BORCS5: variants seen among roughly 807,000 people sequenced by gnomAD.
BORCS5 encodes the protein BLOC-1 related complex subunit 5.
A neutral mutation model predicts 22.1 loss-of-function variants in BORCS5; 17 were observed. The observed-to-expected ratio is 0.77, with a 90% CI of 0.53 to 1.15. The LOEUF (loss-of-function observed/expected upper bound fraction) is 1.15, where lower values mean the gene tolerates loss of function less well. Ranked by LOEUF, BORCS5 falls within the 50% of genes most tolerant of loss-of-function variation. BORCS5 has a pLI of 0.00. For synonymous variants in BORCS5, 117 were observed against 99.8 expected (o/e 1.17, Z -1.03); for missense variants, 247 against 253.2 (o/e 0.98, Z 0.17).
chr12:12,357,149 C>T lies in BORCS5; in HGVS notation c.-303C>T, dbSNP rs889924351. ...TGAAAGCGGCGCCGCCCGCCGGCCGCAGGTGCGGCAAAGCCAGTGTCATCT... is the reference window on the plus strand; with the variant it reads ...TGAAAGCGGCGCCGCCCGCCGGCCGTAGGTGCGGCAAAGCCAGTGTCATCT... On this transcript the variant is annotated 5_prime_UTR_variant, in exon 1 of 4. Transcript: ENST00000314565. 3 of 1,532,938 alleles carry T rather than the reference C, an allele frequency of 2.0e-6. No homozygotes were observed. Among genetic ancestry groups the T allele is most frequent in the South Asian group, 1.2e-5 (1 of 83,908 alleles). 95.0% of individuals were successfully genotyped at this position (1,532,938 alleles called of 1,614,324 possible).
At chr12:12,421,988 T>C (rs914757441) in intron 2 of BORCS5, among the ~76,000 whole-genome samples, 94 of 152,154 alleles carry the variant, frequency 6.2e-4, no homozygotes, top group African/African-American at 2.2e-3. Flanking sequence ...TTTGTTGATC[T>C]TTTCAAAAAA....
intron 3 of BORCS5, among the ~76,000 whole-genome samples, chr12:12,438,374 A>AAAAAAAAAAAAAAAAAAAAAAAAAC (rs1555156024): frequency 8.0e-6 from 1 of 125,064 alleles, no homozygotes; most frequent in African/African-American, 3.8e-5. Flanking sequence ...AAAAAAAAAA[A>AAAAAAAAAAAAAAAAAAAAAAAAAC]AAAAAACGAA....
At chr12:12,387,033 A>T (rs1245372881) in intron 2 of BORCS5, among the ~76,000 whole-genome samples, 1 of 150,840 alleles carries the variant, frequency 6.6e-6, no homozygotes, top group Non-Finnish European at 1.5e-5. Context: ...CCAGCTAATT[A>T]AAAAAAATAC....
intron 2 of BORCS5, among the ~76,000 whole-genome samples, chr12:12,380,902 CTTATA>C (rs1863760885): frequency 6.6e-6 from 1 of 150,976 alleles, no homozygotes. Flanking sequence ...GGGTTTTTAA[CTTATA>C]TTGTATTATA....
At chr12:12,372,214 A>G (rs1304387380) in intron 2 of BORCS5, among the ~76,000 whole-genome samples, 1 of 152,106 alleles carries the variant, frequency 6.6e-6, no homozygotes, top group Non-Finnish European at 1.5e-5. Context: ...TAATTTCTGT[A>G]CTTTTAGTAG....
chr12:12,370,538 A>G (rs1863503707), intron 2 of BORCS5, among the ~76,000 whole-genome samples: 1 of 152,126 alleles, frequency 6.6e-6, no homozygotes, highest in Admixed American at 6.5e-5. Context: ...ACTGTTTTCT[A>G]AATTTTTCAT....
chr12:12,451,649 C>G (rs1942911235), intron 3 of BORCS5, among the ~76,000 whole-genome samples: 2 of 152,094 alleles, frequency 1.3e-5, no homozygotes, highest in Admixed American at 6.5e-5. Context: ...TTTGGGAGGC[C>G]GAGGCGGGCG....
intron 3 of BORCS5, among the ~76,000 whole-genome samples, chr12:12,459,076 A>G (rs776780576): frequency 1.3e-5 from 2 of 150,952 alleles, no homozygotes; most frequent in Non-Finnish European, 3.0e-5. Flanking sequence ...TTGTATTTTT[A>G]GTAGAGACAG....
intron 2 of BORCS5, among the ~76,000 whole-genome samples, chr12:12,408,544 C>G (rs1048646948): frequency 6.6e-6 from 1 of 152,214 alleles, no homozygotes; most frequent in African/African-American, 2.4e-5. Flanking sequence ...ATCCGTTAAA[C>G]AGCAACTTCC....
intron 2 of BORCS5, among the ~76,000 whole-genome samples, chr12:12,401,174 G>T (rs1941463664): frequency 1.3e-5 from 2 of 152,068 alleles, no homozygotes; most frequent in African/African-American, 2.4e-5. Flanking sequence ...TATGTAACTA[G>T]GAACAAATTG....
chr12:12,421,887 C>A (rs371497531), intron 2 of BORCS5, among the ~76,000 whole-genome samples: 1 of 152,094 alleles, frequency 6.6e-6, no homozygotes, highest in East Asian at 1.9e-4. Flanking sequence ...TCTGTGGGAT[C>A]GGTGATGATA....
intron 2 of BORCS5, among the ~76,000 whole-genome samples, chr12:12,370,060 A>G (rs942809107): frequency 2.0e-5 from 3 of 150,382 alleles, no homozygotes; most frequent in Admixed American, 6.7e-5. Flanking sequence ...TTTCATATAT[A>G]TTGCATCTAC....
intron 3 of BORCS5, among the ~76,000 whole-genome samples, chr12:12,450,260 G>A (rs1462808305): frequency 6.6e-6 from 1 of 152,200 alleles, no homozygotes; most frequent in Non-Finnish European, 1.5e-5. Context: ...GCCTTCATCT[G>A]TAAAAGGAGG....
At chr12:12,425,196 G>A (rs576513484) in intron 2 of BORCS5, among the ~76,000 whole-genome samples, 1 of 152,308 alleles carries the variant, frequency 6.6e-6, no homozygotes, top group East Asian at 1.9e-4. Context: ...GAGATGGCTG[G>A]TGCTATTATG....
At chr12:12,402,245 A>G (rs1420123903) in intron 2 of BORCS5, among the ~76,000 whole-genome samples, 1 of 152,212 alleles carries the variant, frequency 6.6e-6, no homozygotes. Flanking sequence ...TCTAGAAGCC[A>G]GTAACTATTC....
chr12:12,373,783 G>A (rs1239210123), intron 2 of BORCS5, among the ~76,000 whole-genome samples: 2 of 152,036 alleles, frequency 1.3e-5, no homozygotes, highest in Non-Finnish European at 2.9e-5. Flanking sequence ...GAGCGATTTA[G>A]ACAGGTAAGT....
chr12:12,402,427 A>T (rs969433596), intron 2 of BORCS5, among the ~76,000 whole-genome samples: 1 of 152,224 alleles, frequency 6.6e-6, no homozygotes, highest in African/African-American at 2.4e-5. Context: ...TTCTCTAATT[A>T]GGGATGATTA....
chr12:12,438,382 G>GAAAAAAAAAAAAAAAAAAAAA (rs1565915767), intron 3 of BORCS5, among the ~76,000 whole-genome samples: 33 of 106,962 alleles, frequency 3.1e-4, no homozygotes, highest in African/African-American at 1.3e-3. Context: ...AAAAAAAAAC[G>GAAAAAAAAAAAAAAAAAAAAA]AAAAACAACA....
intron 2 of BORCS5, among the ~76,000 whole-genome samples, chr12:12,378,650 G>GT (rs1285392343): frequency 6.7e-6 from 1 of 148,350 alleles, no homozygotes; most frequent in East Asian, 1.9e-4. Flanking sequence ...CCTGGATTGG[G>GT]TCCTAGAATG....
Sources: gnomAD v4.1 joint callset for allele counts (sites outside exome capture counted in the v4.1 genomes callset) on GRCh38, gnomAD v4.1.1 for gene constraint, MANE v1.5 for transcripts, NCBI Gene and HGNC (gene_info 2026-07-23, HGNC 2026-07-21) for gene names.